ADGRL1: variants seen among roughly 807,000 people sequenced by gnomAD.
The protein encoded by ADGRL1 is CIRL-1.
Under a neutral mutation model 148.9 loss-of-function variants are expected in ADGRL1, and 31 were observed. That is an observed-to-expected ratio of 0.21 (90% CI 0.16 to 0.28). ADGRL1 has a LOEUF of 0.28. Ranked by LOEUF, ADGRL1 falls within the 10% of genes least tolerant of loss-of-function variation. The probability of loss-of-function intolerance (pLI) is 1.00; values close to 1 mark genes in which losing one functional copy is unlikely to be tolerated. For missense variants in ADGRL1, 1,521 were observed against 2,058.8 expected, an observed-to-expected ratio of 0.74 and a Z score of 5.05; for synonymous variants, 937 against 900.3, an observed-to-expected ratio of 1.04 and a Z score of -0.73.
At chr19:14,185,240 C>A (rs577395994) in intron 1 of ADGRL1, among the ~76,000 whole-genome samples, 3 of 152,190 alleles carry the variant, frequency 2.0e-5, no homozygotes, top group Admixed American at 1.3e-4. Context: ...GGTGTGGTCC[C>A]AGCACACTGG....
At chr19:14,188,439 C>T (rs1188470138) in intron 1 of ADGRL1, among the ~76,000 whole-genome samples, 2 of 152,130 alleles carry the variant, frequency 1.3e-5, no homozygotes, top group Non-Finnish European at 2.9e-5. Flanking sequence ...AGAGTGGACC[C>T]CCCAGAGCCA....
Position 14,150,987 on chromosome 19 carries a change from C to G in ADGRL1, c.4296G>C (p.Leu1432=). Residue 1432 remains leucine, a synonymous_variant, in exon 23 of 23, where the codon CTG becomes CTC. Coordinates refer to ENST00000361434, the MANE Select transcript of ADGRL1 (RefSeq NM_014921.5). ...GACGCCGCACCTGGTAGTAGCCCTG[C>G]AGGGGATTCCGGGCCACCAGGGCTG... The part of the protein sequence containing the change: ...RPPALVARNP[L]QGYYQVRRPS... 6.3e-7 allele frequency: 1 copy of G among 1,580,644 alleles called. No homozygotes were observed. The highest frequency in any genetic ancestry group is 8.6e-7 in the Non-Finnish European group (1 of 1,165,102).
intron 1 of ADGRL1, among the ~76,000 whole-genome samples, chr19:14,199,429 T>G (rs1022928112): frequency 1.3e-5 from 2 of 151,738 alleles, no homozygotes; most frequent in African/African-American, 4.8e-5. Flanking sequence ...GTGTGTGTTT[T>G]TTTTTTTAAT....
chr19:14,205,130 C>T (rs1972900849), intron 1 of ADGRL1, among the ~76,000 whole-genome samples: 1 of 151,954 alleles, frequency 6.6e-6, no homozygotes, highest in African/African-American at 2.4e-5. Flanking sequence ...TTTCTGGACA[C>T]GGCTGGAGCA....
At chr19:14,179,262 G>T (rs1488197824) in intron 2 of ADGRL1, among the ~76,000 whole-genome samples, 1 of 151,804 alleles carries the variant, frequency 6.6e-6, no homozygotes, top group Non-Finnish European at 1.5e-5. Context: ...TGAGAGGCCA[G>T]GGTGGGCAGA....
Position 14,162,622 on chromosome 19 carries a change from C to A in ADGRL1, c.1179G>T (p.Pro393=), listed in dbSNP as rs201718512. The change falls in exon 5 of 23, where the codon CCG becomes CCT. Residue 393 remains proline, a synonymous_variant. Coordinates refer to ENST00000361434, the MANE Select transcript of ADGRL1 (RefSeq NM_014921.5). The surrounding 1 kb of genome is among the most constrained non-coding windows in gnomAD (Gnocchi z 5.4). ...FVVRYSLEFG[P]PDPSAGPATS... ...CGTCCTCACCAGCACTGGGGTCGGG[C>A]GGCCCGAACTCCAGGCTGTAGCGCA... The A allele has an allele frequency of 6.2e-7, 1 of 1,606,478 alleles. No individual in the cohort carries two copies. The highest frequency in any genetic ancestry group is 8.5e-7 in the Non-Finnish European group (1 of 1,174,374).
At position 14,163,192 on chromosome 19, in the gene ADGRL1, G is replaced by A. The variant is rs776983672; in HGVS notation, c.609C>T (p.Pro203=). The stretch of plus-strand genomic sequence containing the variant: ...CAAAGCCTGTGCCATCCACGCGGTT[G>A]GGCAGGCGGTAGGTGGTGGTGTGGC... ...AARHTTTYRL[P]NRVDGTGFVV... is the part of the protein sequence containing the mutation. Residue 203 remains proline, a synonymous_variant, in exon 5 of 23, where the codon CCC becomes CCT. Transcript: ENST00000361434. The A allele has an allele frequency of 1.9e-6, 3 of 1,614,034 alleles. No homozygotes were observed. Among genetic ancestry groups the A allele is most frequent in the Admixed American group, 3.3e-5 (2 of 60,028 alleles).
chr19:14,202,185 C>A (rs1272860793), intron 1 of ADGRL1, among the ~76,000 whole-genome samples: 1 of 152,014 alleles, frequency 6.6e-6, no homozygotes, highest in Admixed American at 6.6e-5. Context: ...TTGGGGCTAC[C>A]CTCGAAAAGA....
chr19:14,182,255 ATAT>A (rs2145010613), intron 2 of ADGRL1, among the ~76,000 whole-genome samples: 1 of 152,230 alleles, frequency 6.6e-6, no homozygotes, highest in African/African-American at 2.4e-5. Context: ...GTTATTATGA[ATAT>A]TATTAAGGCG....
chr19:14,178,665 C>T (rs1404055697), intron 2 of ADGRL1, among the ~76,000 whole-genome samples: 2 of 152,114 alleles, frequency 1.3e-5, no homozygotes, highest in African/African-American at 2.4e-5. Context: ...TACAGATTCA[C>T]GCCACCATGT....
chr19:14,187,151 A>G (rs1971622266), intron 1 of ADGRL1, among the ~76,000 whole-genome samples: 1 of 152,172 alleles, frequency 6.6e-6, no homozygotes, highest in African/African-American at 2.4e-5. Context: ...AGCCTGGCCA[A>G]CATGGTGAAA....
chr19:14,173,407 G>C (rs1970610125), intron 3 of ADGRL1, among the ~76,000 whole-genome samples: 1 of 151,954 alleles, frequency 6.6e-6, no homozygotes, highest in Non-Finnish European at 1.5e-5. Flanking sequence ...TGCCTAATTT[G>C]TAAATTAAAC....
rs1303240733 is a variant in ADGRL1 at position 14,151,510 on chromosome 19, T to C, written c.3773A>G (p.Asp1258Gly). Reference protein sequence around the residue: ...SLRSGDFPPGDGGPEPPRGRN... With the variant: ...SLRSGDFPPGGGGPEPPRGRN... Reference sequence around the variant, plus strand: ...GCCTCGGGGCGGCTCAGGGCCCCCATCCCCGGGAGGGAAATCCCCACTTCG... The same window carrying C: ...GCCTCGGGGCGGCTCAGGGCCCCCACCCCCGGGAGGGAAATCCCCACTTCG... The change falls in exon 23 of 23, where the codon GAT (aspartate) becomes GGT (glycine). Residue 1258 changes from aspartate to glycine, a missense_variant. This residue lies in a region of ADGRL1 where 390 missense variants were observed against 375.0 expected (regional missense o/e 1.04). Transcript: ENST00000361434. 3 of 1,610,746 alleles carry C rather than the reference T, an allele frequency of 1.9e-6. No individual in the cohort carries two copies. The East Asian group carries it at 6.7e-5, about 36-fold the overall frequency.
rs187082667 is a variant in ADGRL1 at position 14,151,495 on chromosome 19, G to C, written c.3788C>G (p.Pro1263Arg). The C allele has an allele frequency of 6.2e-7, 1 of 1,611,266 alleles. No homozygotes were observed. The highest frequency in any genetic ancestry group is 1.1e-5 in the South Asian group (1 of 90,728). Residue 1263 changes from proline (P) to arginine (R), a missense_variant, in exon 23 of 23, where the codon CCG becomes CGG. Physicochemically the swap from Pro to Arg is moderately radical, Grantham distance 103 (BLOSUM62 -2). Around this residue, in one of 8 missense-constraint regions of ADGRL1, gnomAD observed 390 missense variants for 375.0 expected, o/e 1.04. Coordinates refer to ENST00000361434, the MANE Select transcript of ADGRL1 (RefSeq NM_014921.5). ...DFPPGDGGPE[P>R]PRGRNLADAA... ...ATCGGCTAGGTTCCGGCCTCGGGGC[G>C]GCTCAGGGCCCCCATCCCCGGGAGG...
At chr19:14,205,745 C>T (rs1327781822) in intron 1 of ADGRL1, among the ~76,000 whole-genome samples, 8 of 151,424 alleles carry the variant, frequency 5.3e-5, no homozygotes, top group Non-Finnish European at 1.0e-4. Context: ...ACCCCCGCGC[C>T]CCGGGCGCTC....
At position 14,151,413 on chromosome 19, in the gene ADGRL1, C is replaced by T. The variant is rs535786621; in HGVS notation, c.3870G>A (p.Gly1290=). The T allele has an allele frequency of 3.1e-6, 5 of 1,611,942 alleles. No individual in the cohort carries two copies. Among genetic ancestry groups the T allele is most frequent in the East Asian group, 4.5e-5 (2 of 44,826 alleles). The part of the protein sequence containing the change: ...ISELVHNNLR[G]SSSAAKGPPP... ...GAGGGCCCTTGGCCGCGCTGCTGCT[C>T]CCCCGCAGGTTGTTGTGCACCAGCT... The change falls in exon 23 of 23, where the codon GGG becomes GGA. Residue 1290 remains glycine (G), a synonymous_variant. Coordinates refer to ENST00000361434, the MANE Select transcript of ADGRL1 (RefSeq NM_014921.5).
At position 14,162,536 on chromosome 19, in the gene ADGRL1, C is replaced by A; in HGVS notation, c.1195+70G>T. ...CAGGATGGGGCTCCCCACTCTGGGA[C>A]CCAGGGGTGGGTGGGGGTGGAGGGG... On this transcript the variant is annotated intron_variant, in intron 5 of 22. Coordinates refer to ENST00000361434, the MANE Select transcript of ADGRL1 (RefSeq NM_014921.5). This position sits in a 1 kb window ranked among gnomAD's most constrained non-coding sequence, Gnocchi z 5.4. The A allele has an allele frequency of 7.1e-7, 1 of 1,415,754 alleles. No homozygotes were observed. Among genetic ancestry groups the A allele is most frequent in the Non-Finnish European group, 9.7e-7 (1 of 1,028,450 alleles). The allele number at this position is 1,415,754 out of a possible 1,614,324, so 87.7% of individuals were successfully genotyped here. A position where few individuals can be genotyped will look rare whatever the true frequency, so the allele number is the denominator to read the frequency against.
Position 14,152,690 on chromosome 19 carries a change from T to G in ADGRL1, c.3424-77A>C. ...CGTCTTTCTGAGACTGCTCACCTGA[T>G]CATCACGATCAGAAACCTAGGCCAA... On this transcript the variant is annotated intron_variant, in intron 19 of 22. Transcript: ENST00000361434. This position sits in a 1 kb window ranked among gnomAD's most constrained non-coding sequence, Gnocchi z 6.1. 6.3e-7 allele frequency: 1 copy of G among 1,596,830 alleles called. No individual in the cohort carries two copies. The highest frequency in any genetic ancestry group is 1.3e-5 in the African/African-American group (1 of 74,702).
chr19:14,175,946 C>T lies in ADGRL1; in HGVS notation c.284+1585G>A, dbSNP rs540308927. Among the ~76,000 whole-genome samples, 10 of 152,200 alleles carry T rather than the reference C, an allele frequency of 6.6e-5. No individual in the cohort carries two copies. The South Asian group carries it at 1.2e-3, about 19-fold the overall frequency. On this transcript the variant is annotated intron_variant, in intron 3 of 22. Coordinates refer to ENST00000361434, the MANE Select transcript of ADGRL1 (RefSeq NM_014921.5). The stretch of plus-strand genomic sequence containing the variant: ...GTGCGTACCTGTAATCCCAGCTACT[C>T]GGGAGGCTGAGGCGGGAGAATTGCT...
Sources: gnomAD v4.1 joint callset for allele counts (sites outside exome capture counted in the v4.1 genomes callset) on GRCh38, gnomAD v4.1.1 for gene constraint, gnomAD v4.1.1 regional missense constraint, Gnocchi (gnomAD v3.1) non-coding constraint, MANE v1.5 for transcripts, NCBI Gene and HGNC (gene_info 2026-07-23, HGNC 2026-07-21) for gene names.